Variants in UBP1 observed in about 807,000 individuals in gnomAD.
UBP1 encodes the protein upstream binding protein 1.
UBP1 carries 22 observed loss-of-function variants against 76.1 expected under a neutral mutation model. That is an observed-to-expected ratio of 0.29 (90% CI 0.21 to 0.41). The LOEUF is 0.41. UBP1 is among the 10% of genes least tolerant of loss of function. The pLI is 1.00. For missense variants in UBP1, 436 were observed against 668.1 expected (o/e 0.65, Z 3.83); for synonymous variants, 224 against 237.1 (o/e 0.94, Z 0.51).
At chr3:33,392,303 C>T (rs1246960826) in intron 15 of UBP1, 4 of 366,436 alleles carry the variant, frequency 1.1e-5, no homozygotes, top group East Asian at 9.1e-5. Flanking sequence ...GACAGAAGCA[C>T]GGTGTCTGAC....
rs568001942 is a variant in UBP1 at position 33,436,461 on chromosome 3, A to G, written c.113+3275T>C. On this transcript the variant is annotated intron_variant, in intron 1 of 15. Transcript: ENST00000283629. Reference sequence around the variant, plus strand: ...CCTCCCATTTCAAAATACATAATGTATATCTTTTGTTTCAAGAGATTTATA... The same window carrying G: ...CCTCCCATTTCAAAATACATAATGTGTATCTTTTGTTTCAAGAGATTTATA... Among the ~76,000 whole-genome samples, 10 of 152,384 alleles carry G rather than the reference A, an allele frequency of 6.6e-5. No homozygotes were observed. In the South Asian group the frequency reaches 1.9e-3, roughly 28 times the overall value.
At chr3:33,434,063 C>T (rs1167272385) in intron 1 of UBP1, among the ~76,000 whole-genome samples, 1 of 152,080 alleles carries the variant, frequency 6.6e-6, no homozygotes, top group Admixed American at 6.5e-5. Flanking sequence ...TATGATGAAA[C>T]ATCAAGTTTA....
chr3:33,417,292 C>A lies in UBP1; in HGVS notation c.266-458G>T, dbSNP rs78036451. On this transcript the variant is annotated intron_variant, in intron 2 of 15. Coordinates refer to ENST00000283629, the MANE Select transcript of UBP1 (RefSeq NM_014517.5). ...TATTAGTCACTTCCCATCCCTCCCC[C>A]ACCCCCCACCTGGCCAACTGCTAGC... Among the ~76,000 whole-genome samples the A allele has an allele frequency of 1.5e-3, 221 of 152,076 alleles. 6 individuals are homozygous for A. The East Asian group carries it at 0.032, about 22-fold the overall frequency.
At chr3:33,439,492 T>C (rs900091198) in intron 1 of UBP1, among the ~76,000 whole-genome samples, 7 of 152,184 alleles carry the variant, frequency 4.6e-5, no homozygotes, top group African/African-American at 1.2e-4. Context: ...ACAGCAAATA[T>C]GAAGCACTCA....
Position 33,427,049 on chromosome 3 carries a change from CCT to C in UBP1, c.114-1310_114-1309del, listed in dbSNP as rs1200290910. 1.1e-3 allele frequency among the ~76,000 whole-genome samples: 163 copies of C among 152,328 alleles called. 1 individual carries two copies. The highest frequency in any genetic ancestry group is 3.8e-3 in the African/African-American group (158 of 41,572). ...GTGGTGGTATCTTGGCTCACCACAA[CCT>C]CTGACTCCTGGGCTCAAGTCATTCT... On this transcript the variant is annotated intron_variant, in intron 1 of 15. Transcript: ENST00000283629.
At chr3:33,425,996 A>AATAAATATATATATATATAT (rs1404753322) in intron 1 of UBP1, among the ~76,000 whole-genome samples, 4 of 55,136 alleles carry the variant, frequency 7.3e-5, no homozygotes, top group African/African-American at 2.6e-4. Flanking sequence ...GGCAGCTCTG[A>AATAAATATATATATATATAT]ATATATATAT....
At chr3:33,396,614 G>T in intron 12 of UBP1, 3 of 402,018 alleles carry the variant, frequency 7.5e-6, no homozygotes, top group Non-Finnish European at 1.4e-5. Context: ...AAAGAGCAAT[G>T]ATAGTAAATG....
intron 8 of UBP1, among the ~76,000 whole-genome samples, 176 bp from the exon 9 acceptor site, chr3:33,403,080 T>C (rs2044292402): frequency 6.6e-6 from 1 of 152,210 alleles, no homozygotes; most frequent in African/African-American, 2.4e-5. Flanking sequence ...AGAAAAGTTT[T>C]ACCTGCTGTG....
intron 1 of UBP1, among the ~76,000 whole-genome samples, chr3:33,428,980 C>G (rs2045067229): frequency 1.3e-5 from 2 of 152,184 alleles, no homozygotes; most frequent in South Asian, 2.1e-4. Context: ...ACACTGGAGT[C>G]CTCCCACCCA....
In UBP1 at chr3:33,400,255, C is replaced by T. The variant is rs1246264865; in HGVS notation, c.1114G>A (p.Glu372Lys). 1 of 1,600,732 alleles carries T rather than the reference C, an allele frequency of 6.2e-7. No homozygotes were observed. Among genetic ancestry groups the T allele is most frequent in the African/African-American group, 1.4e-5 (1 of 73,896 alleles). The change falls in exon 11 of 16, where the codon GAA becomes AAA. Residue 372 changes from glutamate (E) to lysine (K), a missense_variant. Glu to Lys is a moderately conservative substitution (Grantham distance 56). Transcript: ENST00000283629. ...EQIQPSATIQ[E>K]TQQWLLKNRF... ...TTTTTGAGCAGCCATTGCTGTGTTT[C>T]CTGGATCGTAGCTGAAGGCTGAATT... is the stretch of plus-strand genomic sequence containing the variant.
At chr3:33,392,663 T>A (rs985670129) in intron 14 of UBP1, 49 bp from the exon 15 acceptor site, 1 of 1,514,998 alleles carries the variant, frequency 6.6e-7, no homozygotes, top group Non-Finnish European at 9.0e-7. Context: ...CCAACTGTCG[T>A]TTCTTAAAAT....
intron 1 of UBP1, among the ~76,000 whole-genome samples, chr3:33,433,391 A>G (rs1303004374): frequency 1.4e-5 from 2 of 140,052 alleles, no homozygotes; most frequent in Non-Finnish European, 3.0e-5. Flanking sequence ...AAAAAAAAAG[A>G]CTACCATAGG....
chr3:33,396,073 G>A, intron 13 of UBP1, 89 bp downstream of exon 13: 1 of 1,215,684 alleles, frequency 8.2e-7, no homozygotes, highest in Middle Eastern at 2.9e-4. Flanking sequence ...AACACAGCAA[G>A]AGTTCTCCAA....
intron 8 of UBP1, among the ~76,000 whole-genome samples, chr3:33,408,224 T>C (rs967616712): frequency 1.3e-5 from 2 of 152,200 alleles, no homozygotes; most frequent in African/African-American, 4.8e-5. Flanking sequence ...CACGTGTTAA[T>C]GTCAAGCTTG....
intron 15 of UBP1, chr3:33,390,789 T>G (rs2043732161): frequency 6.0e-6 from 1 of 165,886 alleles, no homozygotes; most frequent in South Asian, 1.9e-4. Flanking sequence ...TCTGAGCTAC[T>G]CACAGAGATT....
At position 33,408,790 on chromosome 3, in the gene UBP1, A is replaced by G; in HGVS notation, c.827T>C (p.Leu276Pro). ...YDTTILTEMR[L>P]EPIIEDAVEH... Reference sequence around the variant, plus strand: ...AACTGCATCTTCAATTATAGGCTCAAGCCTCATCTGGACAAACACCAAAGA... The same window carrying G: ...AACTGCATCTTCAATTATAGGCTCAGGCCTCATCTGGACAAACACCAAAGA... The change falls in exon 8 of 16, where the codon CTT (leucine) becomes CCT (proline). Residue 276 changes from leucine to proline, a missense_variant. Physicochemically the swap from Leu to Pro is moderately conservative, Grantham distance 98. Coordinates refer to ENST00000283629, the MANE Select transcript of UBP1 (RefSeq NM_014517.5). 6.2e-7 allele frequency: 1 copy of G among 1,613,658 alleles called. No individual in the cohort carries two copies. The highest frequency in any genetic ancestry group is 8.5e-7 in the Non-Finnish European group (1 of 1,179,782).
intron 2 of UBP1, among the ~76,000 whole-genome samples, chr3:33,425,047 A>G (rs573216004): frequency 7.9e-5 from 12 of 152,174 alleles, no homozygotes; most frequent in African/African-American, 2.6e-4. Context: ...TCAGTCTCAA[A>G]AAAAAAAAGG....
At chr3:33,440,773 A>C (rs562334674), upstream of UBP1, 1 of 152,226 alleles carries the variant, frequency 6.6e-6, no homozygotes. Flanking sequence ...CGAAGACGGA[A>C]TTTGTTGCCA....
chr3:33,393,276 C>G, intron 14 of UBP1, 36 bp downstream of exon 14: 1 of 1,566,636 alleles, frequency 6.4e-7, no homozygotes, highest in Non-Finnish European at 8.6e-7. Context: ...AAAGTAAATA[C>G]CAGTCTGAAA....
Sources: gnomAD v4.1 joint callset for allele counts (sites outside exome capture counted in the v4.1 genomes callset) on GRCh38, gnomAD v4.1.1 for gene constraint, MANE v1.5 for transcripts, NCBI Gene and HGNC (gene_info 2026-07-23, HGNC 2026-07-21) for gene names.